Variants in MKLN1 observed in about 807,000 individuals in gnomAD.
MKLN1 encodes muskelin 1, also known as muskelin.
Under a neutral mutation model 99.0 loss-of-function variants are expected in MKLN1, and 18 were observed. That is an observed-to-expected ratio of 0.18 (90% CI 0.13 to 0.27). MKLN1 has a LOEUF of 0.27. Ranked by LOEUF, MKLN1 falls within the 10% of genes least tolerant of loss-of-function variation. The pLI is 1.00. For synonymous variants in MKLN1, 288 were observed against 293.2 expected, an observed-to-expected ratio of 0.98 and a Z score of 0.18; for missense variants, 621 against 875.9, an observed-to-expected ratio of 0.71 and a Z score of 3.67.
At chr7:131,143,159 C>T (rs1287788686) in intron 2 of MKLN1, among the ~76,000 whole-genome samples, 3 of 152,168 alleles carry the variant, frequency 2.0e-5, no homozygotes, top group Middle Eastern at 3.4e-3. Flanking sequence ...ACATTTTCTC[C>T]TCTGTTTCAT....
In MKLN1 at chr7:131,397,369, A is replaced by G. The variant is rs1794391676; in HGVS notation, c.503A>G (p.Tyr168Cys). ...PDIVQPCLNWYSKYREQEAIR... is the reference protein window; with the variant it reads ...PDIVQPCLNWCSKYREQEAIR... ...ATAGTACAACCTTGTCTCAACTGGT[A>G]TAGCAAGGTAGGACTGTGTTTTAAA... is the stretch of plus-strand genomic sequence containing the variant. The change falls in exon 5 of 18, where the codon TAT becomes TGT. Residue 168 changes from tyrosine to cysteine, a missense_variant. By Grantham distance (194) the Tyr-to-Cys change is radical. Transcript: ENST00000352689. The G allele has an allele frequency of 3.8e-6, 6 of 1,583,086 alleles. No homozygotes were observed. The highest frequency in any genetic ancestry group is 4.3e-6 in the Non-Finnish European group (5 of 1,155,130).
At chr7:131,387,335 G>C (rs190584662) in intron 3 of MKLN1, 73 bp downstream of exon 3, 1 of 1,377,438 alleles carries the variant, frequency 7.3e-7, no homozygotes, top group Admixed American at 2.3e-5. Flanking sequence ...TAGCTAATCT[G>C]CATGGTTTGA....
intron 8 of MKLN1, among the ~76,000 whole-genome samples, chr7:131,424,558 C>G (rs1795301609): frequency 6.6e-6 from 1 of 151,996 alleles, no homozygotes. Context: ...CTTTATATAC[C>G]TTACATTTCT....
At chr7:131,153,096 A>G (rs970956225) in intron 2 of MKLN1, among the ~76,000 whole-genome samples, 1 of 150,424 alleles carries the variant, frequency 6.6e-6, no homozygotes, top group Non-Finnish European at 1.5e-5. Flanking sequence ...TAGGTGGTAC[A>G]TAAAAATCTC....
intron 3 of MKLN1, among the ~76,000 whole-genome samples, chr7:131,250,896 A>T (rs1283939394): frequency 6.6e-6 from 1 of 152,178 alleles, no homozygotes; most frequent in African/African-American, 2.4e-5. Flanking sequence ...TGAGTAAAGT[A>T]ACAGGTTTCT....
chr7:131,131,193 T>TTAA, intron 1 of MKLN1, among the ~76,000 whole-genome samples: 1 of 136,130 alleles, frequency 7.3e-6, no homozygotes, highest in African/African-American at 2.8e-5. Flanking sequence ...TCACCTCTAC[T>TTAA]TAAATAAATA....
chr7:131,115,748 T>C (rs1795266862), intron 1 of MKLN1, among the ~76,000 whole-genome samples: 1 of 152,180 alleles, frequency 6.6e-6, no homozygotes, highest in South Asian at 2.1e-4. Flanking sequence ...GCTCTTGTAT[T>C]ATAGGATTTA....
chr7:131,245,630 C>T (rs893174700), intron 3 of MKLN1, among the ~76,000 whole-genome samples: 7 of 152,142 alleles, frequency 4.6e-5, no homozygotes, highest in African/African-American at 1.2e-4. Context: ...TGCTTTGATA[C>T]ACAAATACTA....
intron 3 of MKLN1, among the ~76,000 whole-genome samples, chr7:131,208,585 T>C (rs1796853680): frequency 6.6e-6 from 1 of 152,062 alleles, no homozygotes; most frequent in African/African-American, 2.4e-5. Flanking sequence ...GGTGACAGAG[T>C]GAGACCCTGT....
chr7:131,478,637 A>G lies in MKLN1; in HGVS notation c.2046A>G (p.Ala682=), dbSNP rs546080021. ...PEETKEFQLL[A]SALFKSGSDF... ...TTTTTAAACAGTTTCAGCTCCTGGC[A>G]TCAGCTCTATTCAAATCTGGTTCAG... Residue 682 remains alanine, a synonymous_variant, in exon 17 of 18, where the codon GCA becomes GCG. Transcript: ENST00000352689. The G allele has an allele frequency of 2.2e-6, 3 of 1,374,606 alleles. No homozygotes were observed. The African/African-American group carries it at 4.9e-5, about 23-fold the overall frequency. The allele number at this position is 1,374,606 out of a possible 1,614,324, so 85.2% of individuals were successfully genotyped here. A position where few individuals can be genotyped will look rare whatever the true frequency, so the allele number is the denominator to read the frequency against.
intron 3 of MKLN1, chr7:131,242,854 A>T (rs2116497534): frequency 1.5e-6 from 1 of 664,288 alleles, no homozygotes; most frequent in African/African-American, 1.8e-5. Context: ...TACTCTGTGG[A>T]TATCCCCTTG....
intron 1 of MKLN1, among the ~76,000 whole-genome samples, chr7:131,120,732 A>G (rs1045167926): frequency 6.6e-6 from 1 of 152,116 alleles, no homozygotes; most frequent in Non-Finnish European, 1.5e-5. Flanking sequence ...TCTCCATCTG[A>G]GACCACCTCA....
At chr7:131,273,563 T>G (rs1006371114) in intron 3 of MKLN1, among the ~76,000 whole-genome samples, 3 of 152,044 alleles carry the variant, frequency 2.0e-5, no homozygotes, top group African/African-American at 7.2e-5. Flanking sequence ...TGACTGTCCT[T>G]CAGGGGTCAG....
chr7:131,295,249 C>T (rs1013880174), intron 3 of MKLN1, among the ~76,000 whole-genome samples: 1 of 152,052 alleles, frequency 6.6e-6, no homozygotes, highest in Non-Finnish European at 1.5e-5. Flanking sequence ...TCAAGCAATC[C>T]TCCCACCTTG....
intron 3 of MKLN1, among the ~76,000 whole-genome samples, chr7:131,206,570 T>TATTATTATTATTATTA (rs1584833497): frequency 6.7e-6 from 1 of 149,998 alleles, no homozygotes; most frequent in African/African-American, 2.4e-5. Flanking sequence ...TTATTATTAT[T>TATTATTATTATTATTA]TTAGAGATAG....
chr7:131,426,155 G>A (rs1469627384), intron 8 of MKLN1, among the ~76,000 whole-genome samples: 3 of 152,124 alleles, frequency 2.0e-5, no homozygotes, highest in East Asian at 1.9e-4. Flanking sequence ...TATCAATGAG[G>A]CTGTTGTGGA....
chr7:131,462,446 G>T (rs1287891129), intron 12 of MKLN1, among the ~76,000 whole-genome samples: 2 of 152,138 alleles, frequency 1.3e-5, no homozygotes, highest in Non-Finnish European at 2.9e-5. Context: ...TTTTTCCCAG[G>T]TCAAGATTTG....
intron 3 of MKLN1, among the ~76,000 whole-genome samples, chr7:131,266,019 CAA>C (rs996497958): frequency 2.0e-5 from 3 of 151,926 alleles, no homozygotes; most frequent in African/African-American, 7.3e-5. Flanking sequence ...ACTAACAACA[CAA>C]AAATTAGCCA....
chr7:131,345,160 A>G (rs1418374948), intron 1 of MKLN1, among the ~76,000 whole-genome samples: 1 of 152,186 alleles, frequency 6.6e-6, no homozygotes, highest in Admixed American at 6.5e-5. Flanking sequence ...TTGGCATGTA[A>G]TTTGGAAGGT....
Sources: allele counts gnomAD v4.1 joint callset (sites outside exome capture counted in the v4.1 genomes callset), GRCh38; gene constraint gnomAD v4.1.1; transcripts MANE v1.5; gene names NCBI Gene and HGNC (gene_info 2026-07-23, HGNC 2026-07-21).